The following DLC1 variants were observed in gnomAD, a reference collection of about 807,000 sequenced individuals.
The protein encoded by DLC1 is DLC1 Rho GTPase activating protein.
DLC1 carries 54 observed loss-of-function variants against 140.3 expected under a neutral mutation model. That is an observed-to-expected ratio of 0.38 (90% confidence interval 0.31 to 0.48). The LOEUF (loss-of-function observed/expected upper bound fraction) is 0.48, where lower values mean the gene tolerates loss of function less well. Among genes scored for constraint, DLC1 ranks in the 20% least tolerant of loss-of-function variants. The pLI, the probability that DLC1 is intolerant of heterozygous loss-of-function variation, is 0.96. For missense variants in DLC1, 2,536 were observed against 1,907.0 expected (o/e 1.33, Z -6.14); for synonymous variants, 986 against 728.1 (o/e 1.35, Z -5.70).
At position 13,083,530 on chromosome 8, in the gene DLC1, C is replaced by G. The variant is rs1817311135; in HGVS notation, c.*2281G>C. 1 of 152,336 alleles carries G rather than the reference C, an allele frequency of 6.6e-6. No individual in the cohort carries two copies. Among genetic ancestry groups the G allele is most frequent in the African/African-American group, 2.4e-5 (1 of 41,462 alleles). 9.4% of individuals were successfully genotyped at this position (152,336 alleles called of 1,614,324 possible). ...GTGATGGCGCTCTAAGTGACCTCAG[C>G]AGAGTTCTTGAAAATGTTCATATCC... On this transcript the variant is annotated 3_prime_UTR_variant, in exon 18 of 18. Coordinates refer to ENST00000276297, the MANE Select transcript of DLC1 (RefSeq NM_182643.3).
At chr8:13,349,154 C>G (rs918347363) in intron 4 of DLC1, among the ~76,000 whole-genome samples, 4 of 152,090 alleles carry the variant, frequency 2.6e-5, no homozygotes, top group African/African-American at 9.7e-5. Flanking sequence ...TTGGGCAGAG[C>G]TGAGGGCAGG....
chr8:13,422,015 A>G (rs1477107528), intron 2 of DLC1, among the ~76,000 whole-genome samples: 3 of 152,104 alleles, frequency 2.0e-5, no homozygotes, highest in Non-Finnish European at 4.4e-5. Context: ...ACTTGTACCT[A>G]TTTCCCATCA....
chr8:13,467,167 C>G (rs60687575), intron 2 of DLC1, among the ~76,000 whole-genome samples: 1 of 152,106 alleles, frequency 6.6e-6, no homozygotes, highest in African/African-American at 2.4e-5. Flanking sequence ...ATTTTCTAAA[C>G]TTTCACAGGT....
intron 1 of DLC1, among the ~76,000 whole-genome samples, chr8:13,570,368 A>G (rs1187247190): frequency 6.7e-6 from 1 of 148,806 alleles, no homozygotes; most frequent in Non-Finnish European, 1.5e-5. Flanking sequence ...ATATGTATAC[A>G]TGTGCCATGC....
rs768608538 is a variant in DLC1 at position 13,401,553 on chromosome 8, G to T, written c.1090C>A (p.Gln364Lys). 2 of 1,613,620 alleles carry T rather than the reference G, an allele frequency of 1.2e-6. No homozygotes were observed. Among genetic ancestry groups the T allele is most frequent in the South Asian group, 2.2e-5 (2 of 91,050 alleles). The change falls in exon 3 of 18, where the codon CAG becomes AAG. Residue 364 changes from glutamine to lysine, a missense_variant. Transcript: ENST00000276297. ...SMVLLIMKLD[Q>K]LDQDIENALS... Reference sequence around the variant, plus strand: ...GCATTTTCTATGTCCTGATCAAGCTGGTCCAGTTTCATAATCAGCAGCACC... The same window carrying T: ...GCATTTTCTATGTCCTGATCAAGCTTGTCCAGTTTCATAATCAGCAGCACC...
intron 1 of DLC1, among the ~76,000 whole-genome samples, chr8:13,548,579 C>G (rs1204189888): frequency 5.3e-5 from 8 of 152,036 alleles, no homozygotes; most frequent in African/African-American, 1.9e-4. Context: ...TTAATTGCCA[C>G]TACGTTGTTA....
At chr8:13,226,942 A>G (rs1240998888) in intron 5 of DLC1, among the ~76,000 whole-genome samples, 1 of 152,164 alleles carries the variant, frequency 6.6e-6, no homozygotes, top group African/African-American at 2.4e-5. Flanking sequence ...TGGAACCACC[A>G]TGGACTGATA....
chr8:13,506,581 G>GTGTGTGTGTGTATATATATATATATA lies in DLC1; in HGVS notation c.-125-6386_-125-6385insTATATATATATATATACACACACACA, dbSNP rs1246764417. Reference sequence around the variant, plus strand: ...CACACACACACATGTGTGTGTGTGTGTATATATATATATATATATATATAT... The same window carrying GTGTGTGTGTGTATATATATATATATA: ...CACACACACACATGTGTGTGTGTGTGTGTGTGTGTGTATATATATATATATATATATATATATATATATATATATAT... On this transcript the variant is annotated intron_variant, in intron 1 of 17. Coordinates refer to ENST00000276297, the MANE Select transcript of DLC1 (RefSeq NM_182643.3). Among the ~76,000 whole-genome samples, 9 of 131,124 alleles carry GTGTGTGTGTGTATATATATATATATA rather than the reference G, an allele frequency of 6.9e-5. No individual in the cohort carries two copies. The South Asian group carries it at 2.0e-3, about 30-fold the overall frequency. 86.0% of individuals were successfully genotyped at this position (131,124 alleles called of 152,430 possible).
intron 1 of DLC1, among the ~76,000 whole-genome samples, chr8:13,559,683 G>A (rs1375941112): frequency 2.0e-5 from 3 of 152,132 alleles, no homozygotes; most frequent in African/African-American, 7.2e-5. Flanking sequence ...TAGTTTTCAG[G>A]AAAATCGTTG....
At chr8:13,468,924 G>A (rs1800078087) in intron 2 of DLC1, among the ~76,000 whole-genome samples, 1 of 145,414 alleles carries the variant, frequency 6.9e-6, no homozygotes, top group Admixed American at 7.1e-5. Flanking sequence ...GGGTTCAAGT[G>A]ATTCTCCTGC....
At chr8:13,465,505 C>T (rs1352327526) in intron 2 of DLC1, among the ~76,000 whole-genome samples, 1 of 151,948 alleles carries the variant, frequency 6.6e-6, no homozygotes, top group Non-Finnish European at 1.5e-5. Context: ...GTTTGATATT[C>T]TTTTTATTTA....
chr8:13,470,368 C>T (rs550539056), intron 2 of DLC1, among the ~76,000 whole-genome samples: 80 of 151,974 alleles, frequency 5.3e-4, no homozygotes, highest in Admixed American at 9.8e-4. Flanking sequence ...TCATATAACT[C>T]AATAAAAATA....
In DLC1 at chr8:13,499,457, T is replaced by G. The variant is rs781420367; in HGVS notation, c.615A>C (p.Ala205=). 2 of 1,613,966 alleles carry G rather than the reference T, an allele frequency of 1.2e-6. No homozygotes were observed. The highest frequency in any genetic ancestry group is 1.7e-6 in the Non-Finnish European group (2 of 1,180,020). ...AAGTATCCACTGCATTTACTTTGGG[T>G]GCATCTTTTATTTCACTTAAGCTTA... is the stretch of plus-strand genomic sequence containing the variant. ...NEISLSEIKD[A]PKVNAVDTLN... is the part of the protein sequence containing the mutation. The change falls in exon 2 of 18, where the codon GCA becomes GCC. Residue 205 remains alanine, a synonymous_variant. Transcript: ENST00000276297.
intron 1 of DLC1, among the ~76,000 whole-genome samples, chr8:13,523,101 A>G (rs996485002): frequency 6.6e-6 from 1 of 152,304 alleles, no homozygotes; most frequent in Non-Finnish European, 1.5e-5. Context: ...AAAGATTTTG[A>G]TCAGAGATGT....
chr8:13,403,702 A>G (rs1045477051), intron 2 of DLC1, among the ~76,000 whole-genome samples: 1 of 151,402 alleles, frequency 6.6e-6, no homozygotes, highest in Non-Finnish European at 1.5e-5. Flanking sequence ...GTGCAGTGGC[A>G]CGATGTTGGC....
At chr8:13,280,322 A>T (rs1831322472) in intron 5 of DLC1, among the ~76,000 whole-genome samples, 1 of 150,874 alleles carries the variant, frequency 6.6e-6, no homozygotes, top group African/African-American at 2.4e-5. Flanking sequence ...AAAAATGAGA[A>T]TAATGACATT....
At chr8:13,229,684 T>G (rs140719462) in intron 5 of DLC1, among the ~76,000 whole-genome samples, 39 of 152,040 alleles carry the variant, frequency 2.6e-4, no homozygotes, top group African/African-American at 8.9e-4. Flanking sequence ...GAGAGAGACT[T>G]CTTTTTCTTG....
rs138834675 is a variant in DLC1, at chr8:13,122,663, G to A, written c.1349-7006C>T. Reference sequence around the variant, plus strand: ...TAAAATAAATTCCTAGTAAGGTTAAGACAGACAGCAGACTTCATATATTAA... The same window carrying A: ...TAAAATAAATTCCTAGTAAGGTTAAAACAGACAGCAGACTTCATATATTAA... On this transcript the variant is annotated intron_variant, in intron 5 of 17. Coordinates refer to ENST00000276297, the MANE Select transcript of DLC1 (RefSeq NM_182643.3). 2.4e-4 allele frequency among the ~76,000 whole-genome samples: 37 copies of A among 152,164 alleles called. No homozygotes were observed. The East Asian group carries it at 7.1e-3, about 29-fold the overall frequency.
chr8:13,158,528 G>C (rs1446614670), intron 5 of DLC1, among the ~76,000 whole-genome samples: 1 of 152,146 alleles, frequency 6.6e-6, no homozygotes. Context: ...AAGAGGAAAT[G>C]CATCCAGTAA....
Sources: allele counts gnomAD v4.1 joint callset (sites outside exome capture counted in the v4.1 genomes callset), GRCh38; gene constraint gnomAD v4.1.1; transcripts MANE v1.5; gene names NCBI Gene and HGNC (gene_info 2026-07-23, HGNC 2026-07-21).